Variants in GPHN observed in about 807,000 individuals in gnomAD.
GPHN encodes gephyrin.
Under a neutral mutation model 95.5 loss-of-function variants are expected in GPHN, and 17 were observed. The observed-to-expected ratio is 0.18, with a 90% confidence interval of 0.12 to 0.27. The LOEUF (loss-of-function observed/expected upper bound fraction) is 0.27. Ranked by LOEUF, GPHN falls within the 10% of genes least tolerant of loss-of-function variation. The pLI is 1.00. For missense variants in GPHN, 660 were observed against 978.1 expected (o/e 0.67, Z 4.34); for synonymous variants, 320 against 322.5 (o/e 0.99, Z 0.08).
the GPHN span, among the ~76,000 whole-genome samples, chr14:67,510,027 TA>T: frequency 1.4e-4 from 12 of 83,816 alleles, no homozygotes; most frequent in East Asian, 5.4e-4. Flanking sequence ...ATTTTTTTAT[TA>T]AAAAAAAAAA....
intron 4 of GPHN, chr14:66,842,535 C>G: frequency 1.6e-6 from 1 of 612,736 alleles, no homozygotes; most frequent in South Asian, 2.1e-5. Context: ...TCCCATAACT[C>G]AGAAATGGTT....
chr14:66,892,138 AG>A (rs2153541267), intron 5 of GPHN, among the ~76,000 whole-genome samples: 1 of 152,292 alleles, frequency 6.6e-6, no homozygotes, highest in South Asian at 2.1e-4. Context: ...AATTGAAAGC[AG>A]GGGCTGGGTG....
At chr14:67,504,083 G>A in the GPHN span, among the ~76,000 whole-genome samples, 4 of 146,680 alleles carry the variant, frequency 2.7e-5, no homozygotes, top group South Asian at 2.2e-4. Flanking sequence ...GTGCGATCTC[G>A]GCTCACTGCA....
intron 2 of GPHN, among the ~76,000 whole-genome samples, chr14:66,716,985 T>C (rs2070242023): frequency 1.3e-5 from 2 of 152,216 alleles, no homozygotes; most frequent in Admixed American, 6.5e-5. Flanking sequence ...GGTGACAATA[T>C]GCCTAGGCGA....
chr14:67,421,102 C>T, the GPHN span, among the ~76,000 whole-genome samples: 1 of 152,082 alleles, frequency 6.6e-6, no homozygotes, highest in Non-Finnish European at 1.5e-5. Context: ...ATTTTTTAGT[C>T]CTGGTGCAAA....
the GPHN span, among the ~76,000 whole-genome samples, chr14:67,460,704 A>AAAAC: frequency 1.1e-4 from 16 of 152,306 alleles, 2 homozygotes; most frequent in South Asian, 4.2e-4. Context: ...TCCGTCTCAA[A>AAAAC]AAACAAACAA....
intron 2 of GPHN, among the ~76,000 whole-genome samples, chr14:66,751,901 G>T (rs1036234686): frequency 6.6e-6 from 1 of 152,136 alleles, no homozygotes; most frequent in East Asian, 1.9e-4. Context: ...CAGTATTTAA[G>T]GTTGTCTTAT....
At position 66,606,934 on chromosome 14, in the gene GPHN, C is replaced by T. The variant is rs78931357; in HGVS notation, c.65-74173C>T. On this transcript the variant is annotated intron_variant, in intron 1 of 22. Transcript: ENST00000478722. ...TTTCCTATTTGAATGTATTTTATTTCTTTCTTTTGTCTGATTATTCTGACT... is the reference window on the plus strand; with the variant it reads ...TTTCCTATTTGAATGTATTTTATTTTTTTCTTTTGTCTGATTATTCTGACT... 5.5e-3 allele frequency among the ~76,000 whole-genome samples: 840 copies of T among 151,972 alleles called. 3 individuals carry two copies. Among genetic ancestry groups the T allele is most frequent in the African/African-American group, 0.019 (796 of 41,454 alleles).
chr14:67,275,668 A>T, the GPHN span, among the ~76,000 whole-genome samples: 1 of 151,950 alleles, frequency 6.6e-6, no homozygotes, highest in African/African-American at 2.4e-5. Flanking sequence ...CTCTTTTTCT[A>T]TTGATTGCAA....
intron 8 of GPHN, among the ~76,000 whole-genome samples, chr14:66,928,210 T>A (rs952713032): frequency 1.3e-5 from 2 of 152,210 alleles, no homozygotes; most frequent in Non-Finnish European, 2.9e-5. Flanking sequence ...ATCTCATTAC[T>A]TATTGCTGTA....
At chr14:67,330,034 T>C in the GPHN span, among the ~76,000 whole-genome samples, 1 of 150,762 alleles carries the variant, frequency 6.6e-6, no homozygotes, top group African/African-American at 2.4e-5. Context: ...ATTGTTAAAG[T>C]CACAGAAAAT....
At chr14:67,606,358 T>C in the GPHN span, among the ~76,000 whole-genome samples, 1 of 152,248 alleles carries the variant, frequency 6.6e-6, no homozygotes, top group Admixed American at 6.5e-5. Context: ...TGTGGAATGT[T>C]TCTCTTCCCT....
At chr14:67,272,712 G>T in the GPHN span, among the ~76,000 whole-genome samples, 1 of 152,138 alleles carries the variant, frequency 6.6e-6, no homozygotes, top group Non-Finnish European at 1.5e-5. Context: ...AGGCTGGAGC[G>T]CAGTGGCACG....
the GPHN span, among the ~76,000 whole-genome samples, chr14:67,683,070 G>A: frequency 6.6e-6 from 1 of 152,210 alleles, no homozygotes; most frequent in Non-Finnish European, 1.5e-5. Flanking sequence ...GTTGCAGGCA[G>A]AAAGAAGAGC....
intron 9 of GPHN, among the ~76,000 whole-genome samples, chr14:66,986,922 G>C (rs777468121): frequency 6.6e-6 from 1 of 152,136 alleles, no homozygotes; most frequent in Non-Finnish European, 1.5e-5. Flanking sequence ...GTGTGCGCAC[G>C]CACATGAGTG....
At position 66,894,237 on chromosome 14, in the gene GPHN, AC is replaced by A. The variant is rs562937266; in HGVS notation, c.389+14206del. On this transcript the variant is annotated intron_variant, in intron 5 of 22. Coordinates refer to ENST00000478722, the MANE Select transcript of GPHN (RefSeq NM_020806.5). ...TCTACCACTATCTGATCCTGGGCAA[AC>A]CTGACAAAAACAAGCAATGGGGAAA... Among the ~76,000 whole-genome samples the A allele has an allele frequency of 9.2e-5, 14 of 152,344 alleles. No homozygotes were observed. The South Asian group carries it at 2.7e-3, about 29-fold the overall frequency.
intron 2 of GPHN, among the ~76,000 whole-genome samples, chr14:66,724,514 G>A (rs1172536859): frequency 6.6e-6 from 1 of 152,156 alleles, no homozygotes; most frequent in Non-Finnish European, 1.5e-5. Context: ...TCAAGTTACT[G>A]AGGGGCTGGA....
the GPHN span, among the ~76,000 whole-genome samples, chr14:67,398,257 T>TG: frequency 6.6e-6 from 1 of 152,186 alleles, no homozygotes; most frequent in Non-Finnish European, 1.5e-5. Context: ...AGACAAGGTC[T>TG]CAAAAGAGAC....
At chr14:66,943,092 A>G (rs1356176934) in intron 8 of GPHN, among the ~76,000 whole-genome samples, 1 of 152,232 alleles carries the variant, frequency 6.6e-6, no homozygotes, top group African/African-American at 2.4e-5. Context: ...AATTTAGTCA[A>G]TATGTTTACA....
Sources: gnomAD v4.1 joint callset for allele counts (sites outside exome capture counted in the v4.1 genomes callset) on GRCh38, gnomAD v4.1.1 for gene constraint, MANE v1.5 for transcripts, NCBI Gene and HGNC (gene_info 2026-07-23, HGNC 2026-07-21) for gene names.